Variants in CTNNA3 observed in about 807,000 individuals in gnomAD.
The protein encoded by CTNNA3 is catenin alpha-3.
Under a neutral mutation model 95.7 loss-of-function variants are expected in CTNNA3, and 76 were observed. The ratio of observed to expected loss-of-function variants is 0.79; its 90% CI spans 0.66 to 0.96. The LOEUF (loss-of-function observed/expected upper bound fraction) is 0.96, where lower values mean the gene tolerates loss of function less well. Among genes scored for constraint, CTNNA3 ranks in the 40% least tolerant of loss-of-function variants. The pLI is 0.00. For synonymous variants in CTNNA3, 431 were observed against 374.4 expected (o/e 1.15, Z -1.74); for missense variants, 1,191 against 1,089.8 (o/e 1.09, Z -1.31).
intron 7 of CTNNA3, among the ~76,000 whole-genome samples, chr10:67,062,054 G>A (rs573281043): frequency 2.0e-5 from 3 of 152,218 alleles, no homozygotes; most frequent in South Asian, 2.1e-4. Context: ...CAGATAGGAA[G>A]GGGAGGTAAT....
At chr10:66,077,664 A>C (rs917400297) in intron 14 of CTNNA3, among the ~76,000 whole-genome samples, 2 of 151,666 alleles carry the variant, frequency 1.3e-5, no homozygotes, top group Non-Finnish European at 3.0e-5. Flanking sequence ...ACCTTTCTCC[A>C]AAAAGAAAAG....
At chr10:66,586,159 G>A (rs1589454566) in intron 10 of CTNNA3, among the ~76,000 whole-genome samples, 1 of 152,090 alleles carries the variant, frequency 6.6e-6, no homozygotes, top group African/African-American at 2.4e-5. Flanking sequence ...GTCTCATGAA[G>A]CTTATTTTGT....
chr10:67,305,044 AG>A (rs1480619074), intron 5 of CTNNA3, among the ~76,000 whole-genome samples: 1 of 152,152 alleles, frequency 6.6e-6, no homozygotes, highest in African/African-American at 2.4e-5. Flanking sequence ...TGGGAGGCCG[AG>A]GTGGGCGGAT....
intron 9 of CTNNA3, among the ~76,000 whole-genome samples, chr10:66,650,378 T>A (rs971318452): frequency 2.6e-5 from 4 of 152,088 alleles, no homozygotes; most frequent in African/African-American, 9.7e-5. Context: ...TTTCAAAAAC[T>A]TCACAAATAT....
intron 7 of CTNNA3, among the ~76,000 whole-genome samples, chr10:66,997,885 G>A (rs1467446378): frequency 6.6e-6 from 1 of 152,012 alleles, no homozygotes; most frequent in Non-Finnish European, 1.5e-5. Flanking sequence ...ACTCCTAATT[G>A]GTGATTAAGA....
intron 14 of CTNNA3, among the ~76,000 whole-genome samples, chr10:66,070,805 C>A (rs1383576398): frequency 6.6e-6 from 1 of 152,080 alleles, no homozygotes. Context: ...GATAAGATTG[C>A]GACTGACCCT....
intron 3 of CTNNA3, among the ~76,000 whole-genome samples, chr10:67,579,516 G>A (rs1379868637): frequency 2.0e-5 from 3 of 151,998 alleles, no homozygotes; most frequent in Non-Finnish European, 4.4e-5. Flanking sequence ...ATAAACATAC[G>A]TGTGCATGTG....
At chr10:66,438,975 G>A (rs1420949058) in intron 11 of CTNNA3, among the ~76,000 whole-genome samples, 2 of 152,126 alleles carry the variant, frequency 1.3e-5, no homozygotes, top group Non-Finnish European at 2.9e-5. Context: ...CACTTCCCGG[G>A]TGAGGTGATG....
intron 7 of CTNNA3, among the ~76,000 whole-genome samples, chr10:67,159,366 G>C (rs1293082946): frequency 6.6e-6 from 1 of 152,124 alleles, no homozygotes; most frequent in African/African-American, 2.4e-5. Context: ...GTGTCTGAGA[G>C]GTTTTGTCTG....
Position 66,965,221 on chromosome 10 carries a change from G to GT in CTNNA3, c.1048-189698dup, listed in dbSNP as rs951026631. Among the ~76,000 whole-genome samples, 24 of 151,478 alleles carry GT rather than the reference G, an allele frequency of 1.6e-4. 1 individual carries two copies. Among genetic ancestry groups the GT allele is most frequent in the African/African-American group, 4.4e-4 (18 of 41,176 alleles). On this transcript the variant is annotated intron_variant, in intron 7 of 17. Coordinates refer to ENST00000433211, the MANE Select transcript of CTNNA3 (RefSeq NM_013266.4). ...CTCCAGGTTGTGTTTAAAAAGCTGG[G>GT]TTTTTTTGGGGTTTTTTTGTTTGTT...
chr10:66,881,895 T>C (rs1844865167), intron 7 of CTNNA3, among the ~76,000 whole-genome samples: 1 of 152,132 alleles, frequency 6.6e-6, no homozygotes, highest in Non-Finnish European at 1.5e-5. Flanking sequence ...TAATGTACGA[T>C]GACAAACTTC....
At chr10:66,842,158 G>T (rs182036754) in intron 7 of CTNNA3, among the ~76,000 whole-genome samples, 1 of 151,812 alleles carries the variant, frequency 6.6e-6, no homozygotes, top group East Asian at 2.0e-4. Context: ...GCCCAGGCTG[G>T]TCTTGAACCT....
chr10:67,740,081 G>A (rs1440112396), intron 1 of CTNNA3, among the ~76,000 whole-genome samples: 2 of 152,166 alleles, frequency 1.3e-5, no homozygotes, highest in African/African-American at 4.8e-5. Context: ...TTAATAAATG[G>A]TGCTGAGAAA....
intron 12 of CTNNA3, among the ~76,000 whole-genome samples, chr10:66,333,612 G>C (rs944154058): frequency 6.6e-6 from 1 of 151,928 alleles, no homozygotes; most frequent in African/African-American, 2.4e-5. Flanking sequence ...TACAATTTCT[G>C]TTCTTTTACA....
chr10:67,437,973 T>G (rs1394088376), intron 5 of CTNNA3, among the ~76,000 whole-genome samples: 1 of 151,732 alleles, frequency 6.6e-6, no homozygotes, highest in Non-Finnish European at 1.5e-5. Context: ...ATAAAAATGG[T>G]AGAATAAGCT....
At chr10:66,046,024 G>A (rs2079821002) in intron 15 of CTNNA3, among the ~76,000 whole-genome samples, 1 of 152,150 alleles carries the variant, frequency 6.6e-6, no homozygotes, top group South Asian at 2.1e-4. Context: ...AAGAATGAAA[G>A]GGGTGAGTAA....
In CTNNA3 at chr10:66,843,391, G is replaced by C. The variant is rs114160272; in HGVS notation, c.1048-67867C>G. ...TATGTGTAAAGGCATCCAGGTATAA[G>C]AATCAGGAGCAAAAGATGGGACAGA... On this transcript the variant is annotated intron_variant, in intron 7 of 17. Coordinates refer to ENST00000433211, the MANE Select transcript of CTNNA3 (RefSeq NM_013266.4). Among the ~76,000 whole-genome samples, 843 of 152,286 alleles carry C rather than the reference G, an allele frequency of 5.5e-3. 9 individuals are homozygous for C. Among genetic ancestry groups the C allele is most frequent in the African/African-American group, 0.019 (779 of 41,544 alleles).
At chr10:66,416,541 T>A (rs1267091693) in intron 11 of CTNNA3, among the ~76,000 whole-genome samples, 1 of 108,866 alleles carries the variant, frequency 9.2e-6, no homozygotes, top group African/African-American at 3.9e-5. Context: ...AATAGAGAAT[T>A]TTTTTTTTTA....
chr10:66,690,423 C>T (rs1206117221), intron 9 of CTNNA3, among the ~76,000 whole-genome samples: 2 of 151,656 alleles, frequency 1.3e-5, no homozygotes, highest in Admixed American at 6.6e-5. Context: ...GTGCTGCACC[C>T]ATTAACTCGT....
Sources: allele counts gnomAD v4.1 joint callset (sites outside exome capture counted in the v4.1 genomes callset), GRCh38; gene constraint gnomAD v4.1.1; transcripts MANE v1.5; gene names NCBI Gene and HGNC (gene_info 2026-07-23, HGNC 2026-07-21).